The following FAT3 variants were observed in gnomAD, a reference collection of about 807,000 sequenced individuals.
FAT3 encodes the protein FAT atypical cadherin 3.
Under a neutral mutation model 310.2 loss-of-function variants are expected in FAT3, and 95 were observed. The ratio of observed to expected loss-of-function variants is 0.31; its 90% confidence interval spans 0.26 to 0.36. FAT3 has a LOEUF of 0.36. Among genes scored for constraint, FAT3 ranks in the 10% least tolerant of loss-of-function variants. The probability of loss-of-function intolerance (pLI) is 1.00; values close to 1 mark genes in which losing one functional copy is unlikely to be tolerated. For synonymous variants in FAT3, 2,314 were observed against 2,192.9 expected (o/e 1.06, Z -1.54); for missense variants, 5,408 against 5,715.6 (o/e 0.95, Z 1.74).
chr11:92,883,426 T>C lies in FAT3; in HGVS notation c.12937+33T>C. ...GGAAGTGGTAATGCTCACCCCTCGGTGCTTACAGGGAACCTGCAGGGGCGC... is the reference window on the plus strand; with the variant it reads ...GGAAGTGGTAATGCTCACCCCTCGGCGCTTACAGGGAACCTGCAGGGGCGC... On this transcript the variant is annotated intron_variant, in intron 24 of 27. Coordinates refer to ENST00000525166, the MANE Select transcript of FAT3 (RefSeq NM_001367949.2). This position sits in a 1 kb window ranked among gnomAD's most constrained non-coding sequence, Gnocchi z 4.2. 6.4e-7 allele frequency: 1 copy of C among 1,567,528 alleles called. No individual in the cohort carries two copies. Among genetic ancestry groups the C allele is most frequent in the Non-Finnish European group, 8.7e-7 (1 of 1,155,040 alleles).
chr11:92,656,847 C>T (rs763968021), intron 3 of FAT3, among the ~76,000 whole-genome samples: 26 of 152,174 alleles, frequency 1.7e-4, no homozygotes, highest in Non-Finnish European at 3.5e-4. Context: ...ACCCTTGGAA[C>T]TCTTCATAAA....
At chr11:92,518,602 T>G (rs1953574382) in intron 2 of FAT3, among the ~76,000 whole-genome samples, 1 of 151,938 alleles carries the variant, frequency 6.6e-6, no homozygotes, top group African/African-American at 2.4e-5. Context: ...ATGGCACATG[T>G]ATACCTATGT....
At chr11:92,356,468 A>G (rs570956693) in intron 2 of FAT3, among the ~76,000 whole-genome samples, 2 of 152,272 alleles carry the variant, frequency 1.3e-5, no homozygotes, top group East Asian at 3.9e-4. Flanking sequence ...ACAGACATTT[A>G]TTTCTCATAG....
intron 3 of FAT3, among the ~76,000 whole-genome samples, chr11:92,613,811 A>G (rs1351801416): frequency 1.3e-5 from 2 of 152,188 alleles, no homozygotes; most frequent in South Asian, 2.1e-4. Context: ...TTTTTAGTTT[A>G]TTCACAGAAT....
chr11:92,423,733 G>A (rs1456562623), intron 2 of FAT3, among the ~76,000 whole-genome samples: 1 of 152,202 alleles, frequency 6.6e-6, no homozygotes, highest in African/African-American at 2.4e-5. Context: ...TGATTGTGGA[G>A]CTGGAGAAGC....
intron 1 of FAT3, among the ~76,000 whole-genome samples, chr11:92,235,201 C>T (rs769254466): frequency 2.0e-5 from 3 of 152,186 alleles, no homozygotes; most frequent in Non-Finnish European, 2.9e-5. Flanking sequence ...AAGTTCCCCT[C>T]ATCTCTCAGG....
chr11:92,651,621 TG>T (rs1306918968), intron 3 of FAT3, among the ~76,000 whole-genome samples: 1 of 152,222 alleles, frequency 6.6e-6, no homozygotes, highest in Non-Finnish European at 1.5e-5. Flanking sequence ...TCAGTCAGTC[TG>T]AGTCAAGGGT....
intron 4 of FAT3, among the ~76,000 whole-genome samples, chr11:92,746,801 C>A (rs1315947535): frequency 1.3e-5 from 2 of 152,148 alleles, no homozygotes; most frequent in Non-Finnish European, 2.9e-5. Flanking sequence ...CATGCAAGTC[C>A]AAAATCCAAT....
At chr11:92,464,892 G>C (rs1427595211) in intron 2 of FAT3, among the ~76,000 whole-genome samples, 1 of 152,140 alleles carries the variant, frequency 6.6e-6, no homozygotes, top group Non-Finnish European at 1.5e-5. Context: ...TTTAAACTCT[G>C]TGAGCTAATG....
At chr11:92,356,308 C>T (rs1948730024) in intron 2 of FAT3, among the ~76,000 whole-genome samples, 1 of 152,140 alleles carries the variant, frequency 6.6e-6, no homozygotes, top group Middle Eastern at 3.2e-3. Flanking sequence ...TCTTCCCTGT[C>T]TTGTTTAAAT....
At chr11:92,717,337 G>T (rs777683602) in intron 4 of FAT3, among the ~76,000 whole-genome samples, 1 of 152,166 alleles carries the variant, frequency 6.6e-6, no homozygotes, top group Non-Finnish European at 1.5e-5. Context: ...TCCAATGGGG[G>T]TCCTAATTCA....
At chr11:92,465,803 G>T (rs1951744747) in intron 2 of FAT3, among the ~76,000 whole-genome samples, 1 of 151,844 alleles carries the variant, frequency 6.6e-6, no homozygotes, top group Non-Finnish European at 1.5e-5. Flanking sequence ...CATGGCACAT[G>T]TATACATATG....
chr11:92,524,203 C>A (rs1953777102), intron 2 of FAT3, among the ~76,000 whole-genome samples: 2 of 152,102 alleles, frequency 1.3e-5, no homozygotes, highest in African/African-American at 4.8e-5. Context: ...CCTAGGAGAG[C>A]TTTTCATTGC....
Position 92,867,054 on chromosome 11 carries a change from T to G in FAT3, c.11972T>G (p.Leu3991Arg), listed in dbSNP as rs2136351073. 6.3e-7 allele frequency: 1 copy of G among 1,588,184 alleles called. No individual in the cohort carries two copies. Among genetic ancestry groups the G allele is most frequent in the Non-Finnish European group, 8.6e-7 (1 of 1,167,496 alleles). The change falls in exon 22 of 28, where the codon CTG (leucine) becomes CGG (arginine). Residue 3991 changes from leucine (L) to arginine (R), a missense_variant. Leu to Arg is a moderately radical substitution (Grantham distance 102, BLOSUM62 -2). Coordinates refer to ENST00000525166, the MANE Select transcript of FAT3 (RefSeq NM_001367949.2). Reference protein sequence around the residue: ...GFQGCLDSVILNNNELPLQNK... With the variant: ...GFQGCLDSVIRNNNELPLQNK... ...CAGGGCTGCCTGGACTCGGTGATAC[T>G]GAATAACAATGAGCTGCCGCTGCAG...
intron 3 of FAT3, among the ~76,000 whole-genome samples, chr11:92,528,664 C>T (rs1365424896): frequency 1.3e-5 from 2 of 152,160 alleles, no homozygotes; most frequent in East Asian, 3.9e-4. Context: ...GGATTACAGG[C>T]GTGAGCCACC....
intron 3 of FAT3, among the ~76,000 whole-genome samples, chr11:92,675,079 GAGGATTCA>G (rs1943247256): frequency 6.6e-6 from 1 of 152,112 alleles, no homozygotes; most frequent in Non-Finnish European, 1.5e-5. Flanking sequence ...AAGGTGCCCT[GAGGATTCA>G]TTTCCTACAG....
chr11:92,353,270 T>C lies in FAT3; in HGVS notation c.1158T>C (p.Ser386=). The change falls in exon 2 of 28, where the codon AGT becomes AGC. Residue 386 remains serine, a synonymous_variant. Transcript: ENST00000525166. Reference sequence around the variant, plus strand: ...AAGAAGTGTACGATGTGAGCATAAGTGAATTTTCCCCTCCTGGTGTCGTGG... The same window carrying C: ...AAGAAGTGTACGATGTGAGCATAAGCGAATTTTCCCCTCCTGGTGTCGTGG... ...FEKEVYDVSI[S]EFSPPGVVVA... 2 of 1,613,708 alleles carry C rather than the reference T, an allele frequency of 1.2e-6. No homozygotes were observed. The highest frequency in any genetic ancestry group is 1.7e-6 in the Non-Finnish European group (2 of 1,179,830).
chr11:92,416,219 C>A (rs1445998096), intron 2 of FAT3, among the ~76,000 whole-genome samples: 15 of 131,328 alleles, frequency 1.1e-4, no homozygotes, highest in South Asian at 2.6e-4. Context: ...ACTAAAGATA[C>A]AAAAAAAAAA....
At chr11:92,795,962 A>G (rs1947161113) in intron 9 of FAT3, among the ~76,000 whole-genome samples, 1 of 152,096 alleles carries the variant, frequency 6.6e-6, no homozygotes, top group Non-Finnish European at 1.5e-5. Flanking sequence ...TGCCATCCCC[A>G]CCATAATCTA....
Sources: allele counts gnomAD v4.1 joint callset (sites outside exome capture counted in the v4.1 genomes callset), GRCh38; gene constraint gnomAD v4.1.1; non-coding constraint Gnocchi (gnomAD v3.1); transcripts MANE v1.5; gene names NCBI Gene and HGNC (gene_info 2026-07-23, HGNC 2026-07-21).